Variants in DIAPH2 observed in about 807,000 individuals in gnomAD.
The protein encoded by DIAPH2 is diaphanous related formin 2.
In DIAPH2, 35 loss-of-function variants were observed where a neutral mutation model predicts 92.7. The ratio of observed to expected loss-of-function variants is 0.38; its 90% CI spans 0.29 to 0.50. DIAPH2 has a LOEUF of 0.50. Ranked by LOEUF, DIAPH2 falls within the 20% of genes least tolerant of loss-of-function variation. The pLI is 0.94. For synonymous variants in DIAPH2, 301 were observed against 280.4 expected (o/e 1.07, Z -0.73); for missense variants, 701 against 819.5 (o/e 0.86, Z 1.77).
intron 1 of DIAPH2, among the ~76,000 whole-genome samples, chrX:96,689,374 A>G (rs1261261897): frequency 9.4e-6 from 1 of 106,461 alleles, no homozygotes; most frequent in East Asian, 2.9e-4. Flanking sequence ...AAAAAAAAGT[A>G]CTTTGGAGAA....
At chrX:96,748,620 C>G (rs973558503) in intron 3 of DIAPH2, among the ~76,000 whole-genome samples, 1 of 111,846 alleles carries the variant, frequency 8.9e-6, no homozygotes, top group East Asian at 2.8e-4. Flanking sequence ...TAAAGAAAAT[C>G]CCTGCCATCA....
chrX:97,584,814 A>G lies in DIAPH2; in HGVS notation c.3242-14439A>G, dbSNP rs1435598740. Among the ~76,000 whole-genome samples, 7 of 112,820 alleles carry G rather than the reference A, an allele frequency of 6.2e-5. No individual in the cohort carries two copies. The East Asian group carries it at 1.4e-3, about 22-fold the overall frequency. On this transcript the variant is annotated intron_variant, in intron 26 of 26. Transcript: ENST00000324765. ...CAGGAAGCAAAAAAGTATTCAGTAC[A>G]TATTTACCACTCAATTTTTAGATAG...
intron 17 of DIAPH2, among the ~76,000 whole-genome samples, chrX:96,981,938 C>T (rs1204618559): frequency 1.8e-5 from 2 of 111,403 alleles, no homozygotes; most frequent in Non-Finnish European, 3.8e-5. Flanking sequence ...CTTGCCTACC[C>T]GATTCTACCT....
intron 26 of DIAPH2, among the ~76,000 whole-genome samples, chrX:97,499,025 AGAG>A (rs1029699124): frequency 9.0e-6 from 1 of 111,465 alleles, no homozygotes; most frequent in Non-Finnish European, 1.9e-5. Context: ...CTGCAAGTGG[AGAG>A]GAGGCCAGTC....
chrX:97,189,191 G>T (rs1009165023), intron 22 of DIAPH2, among the ~76,000 whole-genome samples: 1 of 111,652 alleles, frequency 9.0e-6, no homozygotes, highest in Non-Finnish European at 1.9e-5. Context: ...TTCAAGAGAT[G>T]AATGAAGACA....
intron 26 of DIAPH2, among the ~76,000 whole-genome samples, chrX:97,593,197 A>G (rs1437928761): frequency 1.8e-5 from 2 of 111,729 alleles, no homozygotes; most frequent in African/African-American, 6.5e-5. Flanking sequence ...TAACTCCACC[A>G]GATATTAAAA....
chrX:96,739,807 T>C (rs2064108502), intron 3 of DIAPH2, among the ~76,000 whole-genome samples: 1 of 111,814 alleles, frequency 8.9e-6, no homozygotes, highest in African/African-American at 3.3e-5. Flanking sequence ...GCTTCTGTGG[T>C]GCACCCTTTT....
chrX:97,192,463 G>T (rs976381163), intron 22 of DIAPH2, among the ~76,000 whole-genome samples: 1 of 110,859 alleles, frequency 9.0e-6, no homozygotes, highest in Non-Finnish European at 1.9e-5. Flanking sequence ...AATAGGAGTT[G>T]AGCCATAGAA....
rs1027444053 is a variant in DIAPH2, at chrX:96,957,832, A to T, written c.1619A>T (p.Gln540Leu). Residue 540 changes from glutamine to leucine, a missense_variant, in exon 16 of 27, where the codon CAA (glutamine) becomes CTA (leucine). Gln to Leu is a moderately radical substitution (Grantham distance 113, BLOSUM62 -2). Around this residue, in one of 3 missense-constraint regions of DIAPH2, gnomAD observed 536 missense variants for 599.3 expected, o/e 0.89. Transcript: ENST00000324765. ...AEIQQLRTQA[Q>L]VLSSSSGIPG... ...CTTGGATTATTTATATTTCAGGCAC[A>T]AGTACTCTCAAGTTCATCAGGAATT... 16 of 1,190,382 alleles carry T rather than the reference A, an allele frequency of 1.3e-5. No homozygotes were observed. In the Middle Eastern group the frequency reaches 1.2e-3, roughly 86 times the overall value.
intron 26 of DIAPH2, among the ~76,000 whole-genome samples, chrX:97,574,146 A>G (rs2071387071): frequency 1.8e-5 from 2 of 112,183 alleles, no homozygotes; most frequent in African/African-American, 6.5e-5. Context: ...GAGTGGAACT[A>G]TGAATTTAAT....
At chrX:96,962,326 CAT>C (rs971251038) in intron 16 of DIAPH2, among the ~76,000 whole-genome samples, 424 of 41,326 alleles carry the variant, frequency 0.01, 26 homozygotes, top group African/African-American at 0.02. Context: ...TATATATACA[CAT>C]ATATATATAC....
Position 97,467,371 on chromosome X carries a change from C to A in DIAPH2, c.3241+37626C>A, listed in dbSNP as rs747946223. 1.4e-4 allele frequency among the ~76,000 whole-genome samples: 16 copies of A among 112,054 alleles called. No homozygotes were observed. In the South Asian group the frequency reaches 6.0e-3, roughly 42 times the overall value. On this transcript the variant is annotated intron_variant, in intron 26 of 26. Transcript: ENST00000324765. ...ATTTGAAATAAATGCACAAAGTCTT[C>A]CTTCTTTGTAGTAGACTAGTATCCT... is the stretch of plus-strand genomic sequence containing the variant.
intron 26 of DIAPH2, among the ~76,000 whole-genome samples, chrX:97,570,075 AATATATATATATATATATATAT>A (rs1164491863): frequency 9.9e-4 from 12 of 12,089 alleles, no homozygotes; most frequent in African/African-American, 3.1e-3. Context: ...AAGGCCTTCT[AATATATATATATATATATATAT>A]ATATATATAT....
chrX:96,926,790 T>C (rs1001885162), intron 9 of DIAPH2, among the ~76,000 whole-genome samples: 64 of 111,430 alleles, frequency 5.7e-4, no homozygotes, highest in Admixed American at 2.9e-4. Flanking sequence ...AATGCAAATA[T>C]AGAAACCAAT....
chrX:97,166,736 C>A (rs1431010634), intron 22 of DIAPH2, among the ~76,000 whole-genome samples: 1 of 111,541 alleles, frequency 9.0e-6, no homozygotes, highest in Non-Finnish European at 1.9e-5. Context: ...ACTTAGCACC[C>A]AGCTAAAGAA....
intron 22 of DIAPH2, among the ~76,000 whole-genome samples, chrX:97,149,730 CAAAAAAA>C (rs55853481): frequency 3.2e-5 from 1 of 31,118 alleles, no homozygotes; most frequent in East Asian, 1.6e-3. Context: ...GACTCCATCT[CAAAAAAA>C]AAAAAAAAAA....
intron 24 of DIAPH2, among the ~76,000 whole-genome samples, chrX:97,379,975 T>C (rs1248457518): frequency 9.3e-6 from 1 of 107,326 alleles, no homozygotes; most frequent in Non-Finnish European, 1.9e-5. Context: ...ATTTCTTTCT[T>C]TTTTTTTTTA....
At chrX:97,119,425 G>A (rs2067039432) in intron 21 of DIAPH2, among the ~76,000 whole-genome samples, 1 of 111,638 alleles carries the variant, frequency 9.0e-6, no homozygotes, top group African/African-American at 3.3e-5. Context: ...CCTCTCAGCT[G>A]TAGATACCAG....
chrX:96,926,353 A>T (rs878908184), intron 9 of DIAPH2, among the ~76,000 whole-genome samples: 1 of 112,021 alleles, frequency 8.9e-6, no homozygotes. Flanking sequence ...TTATGCCAAT[A>T]AAATTGGAAA....
Sources: gnomAD v4.1 joint callset for allele counts (sites outside exome capture counted in the v4.1 genomes callset) on GRCh38, gnomAD v4.1.1 for gene constraint, gnomAD v4.1.1 regional missense constraint, MANE v1.5 for transcripts, NCBI Gene and HGNC (gene_info 2026-07-23, HGNC 2026-07-21) for gene names.